Variants in MROH1 observed in about 807,000 individuals in gnomAD.
The protein encoded by MROH1 is maestro heat like repeat family member 1.
Under a neutral mutation model 116.5 loss-of-function variants are expected in MROH1, and 117 were observed. That is an observed-to-expected ratio of 1.00 (90% CI 0.86 to 1.17). The LOEUF is 1.17. Among genes scored for constraint, MROH1 ranks in the 50% most tolerant of loss-of-function variants. MROH1 has a pLI of 0.00. For missense variants in MROH1, 1,873 were observed against 1,338.5 expected (o/e 1.40, Z -6.23); for synonymous variants, 921 against 583.9 (o/e 1.58, Z -8.32).
chr8:144,175,976 G>A (rs1475613331), intron 4 of MROH1, among the ~76,000 whole-genome samples: 1 of 152,142 alleles, frequency 6.6e-6, no homozygotes, highest in Non-Finnish European at 1.5e-5. Flanking sequence ...TTGAACCTGG[G>A]AGGCGGAGGT....
chr8:144,201,262 T>C (rs1343075669), intron 12 of MROH1: 1 of 152,164 alleles, frequency 6.6e-6, no homozygotes, highest in African/African-American at 2.4e-5. Context: ...GGTTTCACCA[T>C]GTCGGCCAGG....
chr8:144,179,637 G>T, intron 5 of MROH1, 51 bp downstream of exon 5: 1 of 1,560,384 alleles, frequency 6.4e-7, no homozygotes. Context: ...CTTGGGAAGG[G>T]AAGCTGCTTC....
intron 12 of MROH1, chr8:144,213,235 A>C: frequency 4.8e-6 from 3 of 625,364 alleles, no homozygotes; most frequent in East Asian, 2.6e-5. Context: ...GCTCTCTGCC[A>C]CTCTTGTTGT....
chr8:144,152,239 A>G (rs1816969772), intron 1 of MROH1, among the ~76,000 whole-genome samples: 1 of 152,216 alleles, frequency 6.6e-6, no homozygotes, highest in Admixed American at 6.5e-5. Flanking sequence ...TTTTCTATTT[A>G]ATATTTTTGG....
chr8:144,259,407 G>A (rs985424635), intron 37 of MROH1, 53 bp downstream of exon 37: 4 of 713,340 alleles, frequency 5.6e-6, no homozygotes, highest in Non-Finnish European at 7.8e-6. Context: ...TCCTGCTCAG[G>A]ACAGGCACGG....
chr8:144,170,727 G>C (rs1384022439), intron 4 of MROH1, among the ~76,000 whole-genome samples: 1 of 152,238 alleles, frequency 6.6e-6, no homozygotes, highest in Non-Finnish European at 1.5e-5. Context: ...CTGTGGTTCT[G>C]TTTTTATGAA....
chr8:144,258,398 G>A (rs1284568170), intron 35 of MROH1, among the ~76,000 whole-genome samples: 3 of 152,198 alleles, frequency 2.0e-5, no homozygotes, highest in Non-Finnish European at 4.4e-5. Context: ...GTGAGAACCC[G>A]AGGTGCCAGG....
rs371731460 is a variant in MROH1, at chr8:144,191,831, C to T, written c.831C>T (p.His277=). 4.5e-5 allele frequency: 73 copies of T among 1,613,512 alleles called. No homozygotes were observed. The Middle Eastern group carries it at 6.6e-4, about 15-fold the overall frequency. Residue 277 remains histidine (H), a synonymous_variant, in exon 9 of 44, where the codon CAC becomes CAT. Coordinates refer to ENST00000326134, the MANE Select transcript of MROH1 (RefSeq NM_032450.3). The part of the protein sequence containing the change: ...LPGILALYKK[H]AETFYLSKSL... The stretch of plus-strand genomic sequence containing the variant: ...GGATTCTCGCCCTCTACAAGAAGCA[C>T]GCAGAGACCTTCTACTTGTCCAAGG...
At position 144,261,692 on chromosome 8, in the gene MROH1, G is replaced by A. The variant is rs936344693; in HGVS notation, c.4878G>A (p.Val1626=). ...QILLKDPAPE[V]RTRAAEALGR... ...TGCTGAAGGACCCGGCCCCCGAGGT[G>A]CGGACGAGGGCTGCTGAGGCCCTGG... The change falls in exon 44 of 44, where the codon GTG becomes GTA. Residue 1626 remains valine, a synonymous_variant. Coordinates refer to ENST00000326134, the MANE Select transcript of MROH1 (RefSeq NM_032450.3). The A allele has an allele frequency of 1.8e-3, 1,319 of 728,026 alleles. 17 individuals are homozygous for A. In the African/African-American group the frequency reaches 0.021, roughly 12 times the overall value. The allele number at this position is 728,026 out of a possible 1,614,324, so 45.1% of individuals were successfully genotyped here.
Position 144,162,379 on chromosome 8 carries a change from G to A in MROH1, c.-57+1290G>A, listed in dbSNP as rs537762922. ...TGGGATTACAGATATGAGCCACTGC[G>A]CCCGGCCCTGTTTTTCTTTTCTTTT... On this transcript the variant is annotated intron_variant, in intron 2 of 43. Coordinates refer to ENST00000326134, the MANE Select transcript of MROH1 (RefSeq NM_032450.3). Among the ~76,000 whole-genome samples the A allele has an allele frequency of 5.0e-4, 70 of 140,680 alleles. No individual in the cohort carries two copies. The South Asian group carries it at 6.9e-3, about 14-fold the overall frequency. The allele number at this position is 140,680 out of a possible 152,430, so 92.3% of individuals were successfully genotyped here.
chr8:144,216,906 T>C (rs1588251114), intron 12 of MROH1, among the ~76,000 whole-genome samples: 2 of 151,984 alleles, frequency 1.3e-5, no homozygotes, highest in South Asian at 4.1e-4. Flanking sequence ...GTCAGGCTGG[T>C]CTCAAACTCC....
chr8:144,149,365 C>A (rs1242350260), intron 1 of MROH1, among the ~76,000 whole-genome samples: 4 of 152,088 alleles, frequency 2.6e-5, no homozygotes, highest in Admixed American at 2.6e-4. Flanking sequence ...TTGAAACTGA[C>A]GTGCAGGCCG....
chr8:144,224,698 G>T (rs1054243913), intron 14 of MROH1, among the ~76,000 whole-genome samples: 1 of 152,192 alleles, frequency 6.6e-6, no homozygotes. Flanking sequence ...ATGATAAAAT[G>T]TTCAAAAAGC....
intron 7 of MROH1, among the ~76,000 whole-genome samples, chr8:144,185,886 G>A (rs1287692436): frequency 1.4e-5 from 2 of 144,596 alleles, no homozygotes; most frequent in African/African-American, 2.6e-5. Flanking sequence ...GACCGTGGGG[G>A]GATGGTGAGG....
At chr8:144,173,575 G>A (rs141745848) in intron 4 of MROH1, among the ~76,000 whole-genome samples, 1,934 of 151,862 alleles carry the variant, frequency 0.013, 20 homozygotes, top group Non-Finnish European at 0.018. Context: ...ACAGGTGCAC[G>A]CCACCACACC....
chr8:144,242,147 G>T (rs1000427014), intron 22 of MROH1: 15 of 630,970 alleles, frequency 2.4e-5, no homozygotes, highest in Admixed American at 1.4e-4. Flanking sequence ...GGTACCCAGT[G>T]GGCCCATGCC....
At chr8:144,188,729 G>A (rs1827840708) in intron 7 of MROH1, among the ~76,000 whole-genome samples, 1 of 152,034 alleles carries the variant, frequency 6.6e-6, no homozygotes, top group African/African-American at 2.4e-5. Flanking sequence ...GCCTCCCAAA[G>A]TTCTGGGATT....
intron 1 of MROH1, among the ~76,000 whole-genome samples, chr8:144,155,857 T>C (rs1230070980): frequency 6.6e-6 from 1 of 151,818 alleles, no homozygotes; most frequent in Non-Finnish European, 1.5e-5. Context: ...GGTCTCGAAC[T>C]CGTGACCTCA....
intron 8 of MROH1, 96 bp downstream of exon 8, chr8:144,191,031 T>G (rs1200939249): frequency 1.6e-5 from 23 of 1,408,060 alleles, no homozygotes; most frequent in Middle Eastern, 1.8e-4. Flanking sequence ...GGTGGTGGTG[T>G]TGCATTGGCA....
Sources: allele counts gnomAD v4.1 joint callset (sites outside exome capture counted in the v4.1 genomes callset), GRCh38; gene constraint gnomAD v4.1.1; transcripts MANE v1.5; gene names NCBI Gene and HGNC (gene_info 2026-07-23, HGNC 2026-07-21).